CPB2: variants seen among roughly 807,000 people sequenced by gnomAD.
CPB2 encodes the protein carboxypeptidase B-like protein.
In CPB2, 54 loss-of-function variants were observed where a neutral mutation model predicts 57.0. The observed-to-expected ratio is 0.95, with a 90% confidence interval of 0.76 to 1.19. The LOEUF is 1.19. Among genes scored for constraint, CPB2 ranks in the 50% most tolerant of loss-of-function variants. The pLI, the probability that CPB2 is intolerant of heterozygous loss-of-function variation, is 0.00. For missense variants in CPB2, 426 were observed against 512.0 expected (o/e 0.83, Z 1.62); for synonymous variants, 189 against 178.1 (o/e 1.06, Z -0.49).
At chr13:46,092,616 T>G (rs2045309079) in intron 1 of CPB2, among the ~76,000 whole-genome samples, 1 of 152,136 alleles carries the variant, frequency 6.6e-6, no homozygotes, top group Non-Finnish European at 1.5e-5. Flanking sequence ...GATGTCTGGG[T>G]GTGTAAGAAT....
chr13:46,087,216 G>A lies in CPB2; in HGVS notation c.150+529C>T, dbSNP rs17844188. On this transcript the variant is annotated intron_variant, in intron 2 of 10. Transcript: ENST00000181383. Reference sequence around the variant, plus strand: ...CTGCCGCCCTGCCATCACAGAAGGGGGCGGGACTTTTACCTCCTCCTGGCT... The same window carrying A: ...CTGCCGCCCTGCCATCACAGAAGGGAGCGGGACTTTTACCTCCTCCTGGCT... Among the ~76,000 whole-genome samples the A allele has an allele frequency of 2.0e-3, 310 of 152,350 alleles. 2 individuals are homozygous for A. Among genetic ancestry groups the A allele is most frequent in the African/African-American group, 6.6e-3 (274 of 41,594 alleles).
intron 1 of CPB2, among the ~76,000 whole-genome samples, chr13:46,090,663 A>G (rs545859743): frequency 1.4e-5 from 2 of 146,158 alleles, no homozygotes; most frequent in South Asian, 2.2e-4. Context: ...CACACAGCCC[A>G]TTTATCTATT....
intron 1 of CPB2, among the ~76,000 whole-genome samples, chr13:46,093,518 C>T (rs1204165562): frequency 6.6e-6 from 1 of 152,100 alleles, no homozygotes; most frequent in East Asian, 1.9e-4. Flanking sequence ...TTCTAGAATG[C>T]TTTTCAGTCA....
chr13:46,091,245 CTAT>C (rs1338787051), intron 1 of CPB2, among the ~76,000 whole-genome samples: 3 of 152,184 alleles, frequency 2.0e-5, no homozygotes, highest in African/African-American at 7.2e-5. Flanking sequence ...TCTGCACACA[CTAT>C]TAGGTTGGTG....
intron 4 of CPB2, among the ~76,000 whole-genome samples, chr13:46,079,535 C>CA (rs58164990): frequency 1.8e-3 from 199 of 110,976 alleles, no homozygotes; most frequent in Middle Eastern, 0.011. Flanking sequence ...AAGGAAAAAG[C>CA]AAAAAAAAAA....
intron 4 of CPB2, 53 bp from the exon 5 acceptor site, chr13:46,078,954 C>G (rs998615101): frequency 8.7e-7 from 1 of 1,154,132 alleles, no homozygotes; most frequent in African/African-American, 1.5e-5. Flanking sequence ...AAAGCATTTC[C>G]CTGACCAAAG....
intron 7 of CPB2, 47 bp downstream of exon 7, chr13:46,067,260 A>G (rs1566401766): frequency 2.1e-6 from 2 of 962,328 alleles, no homozygotes; most frequent in Admixed American, 1.8e-5. Context: ...TGTATATCCT[A>G]TATCCCCAAG....
At chr13:46,095,851 C>G (rs1409477986) in intron 1 of CPB2, among the ~76,000 whole-genome samples, 1 of 143,020 alleles carries the variant, frequency 7.0e-6, no homozygotes, top group Non-Finnish European at 1.5e-5. Context: ...GGAAACTCTT[C>G]TGATGTGTGA....
intron 2 of CPB2, among the ~76,000 whole-genome samples, chr13:46,086,308 C>T (rs1180209643): frequency 2.0e-5 from 3 of 152,094 alleles, no homozygotes; most frequent in Admixed American, 6.6e-5. Flanking sequence ...GTTCAGCGCC[C>T]GGGAACAATG....
rs199769349 is a variant in CPB2, at chr13:46,104,914, G to A, written c.74+22C>T. ...CAAGTGAGGAGAGTGGCCCACCACAGTCTAAGATTCTATTGGGTTACCTCT... is the reference window on the plus strand; with the variant it reads ...CAAGTGAGGAGAGTGGCCCACCACAATCTAAGATTCTATTGGGTTACCTCT... On this transcript the variant is annotated intron_variant, in intron 1 of 10. Coordinates refer to ENST00000181383, the MANE Select transcript of CPB2 (RefSeq NM_001872.5). 8 of 1,613,762 alleles carry A rather than the reference G, an allele frequency of 5.0e-6. No individual in the cohort carries two copies. The African/African-American group carries it at 8.0e-5, about 16-fold the overall frequency.
intron 6 of CPB2, 26 bp downstream of exon 6, chr13:46,073,847 A>C (rs200143321): frequency 9.9e-6 from 14 of 1,420,240 alleles, no homozygotes; most frequent in South Asian, 6.1e-5. Context: ...TTTGAGAAAT[A>C]GGGTTAAGAG....
chr13:46,067,204 A>G (rs530356217), intron 7 of CPB2, 103 bp downstream of exon 7: 2 of 556,680 alleles, frequency 3.6e-6, no homozygotes, highest in Admixed American at 3.3e-5. Flanking sequence ...AAAATTAATA[A>G]TAAAGCCATT....
intron 7 of CPB2, among the ~76,000 whole-genome samples, chr13:46,066,724 A>C (rs1444883051): frequency 6.6e-6 from 1 of 151,898 alleles, no homozygotes; most frequent in Admixed American, 6.6e-5. Context: ...AGGCACCCGT[A>C]GTCCCAGTGG....
intron 3 of CPB2, among the ~76,000 whole-genome samples, chr13:46,082,920 A>C (rs2045141811): frequency 6.6e-6 from 1 of 151,942 alleles, no homozygotes; most frequent in Non-Finnish European, 1.5e-5. Context: ...TGCTGTTTTC[A>C]GTTAAAGAGG....
At chr13:46,099,811 G>A (rs2045411587) in intron 1 of CPB2, 1 of 152,166 alleles carries the variant, frequency 6.6e-6, no homozygotes, top group African/African-American at 2.4e-5. Context: ...GATCACCTGA[G>A]GTCAGGAGTT....
chr13:46,096,032 C>A (rs1370770090), intron 1 of CPB2, among the ~76,000 whole-genome samples: 1 of 151,814 alleles, frequency 6.6e-6, no homozygotes, highest in Non-Finnish European at 1.5e-5. Flanking sequence ...AGGCACGCAC[C>A]ACCACACCTG....
Position 46,074,639 on chromosome 13 carries a change from A to G in CPB2, c.487-662T>C, listed in dbSNP as rs548559946. On this transcript the variant is annotated intron_variant, in intron 5 of 10. Transcript: ENST00000181383. Reference sequence around the variant, plus strand: ...ATTATCAAGAACACCTCCAAAATTAATCATAATGTATTTGCCTTTAAAAGT... The same window carrying G: ...ATTATCAAGAACACCTCCAAAATTAGTCATAATGTATTTGCCTTTAAAAGT... Among the ~76,000 whole-genome samples, 7 of 152,258 alleles carry G rather than the reference A, an allele frequency of 4.6e-5. No homozygotes were observed. In the East Asian group the frequency reaches 1.4e-3, roughly 29 times the overall value.
At chr13:46,059,014 T>C (rs1289864903) in intron 8 of CPB2, among the ~76,000 whole-genome samples, 1 of 152,218 alleles carries the variant, frequency 6.6e-6, no homozygotes, top group Non-Finnish European at 1.5e-5. Context: ...AAGCTGCATC[T>C]GACACAAGAG....
chr13:46,072,496 G>A (rs2139373524), intron 6 of CPB2, among the ~76,000 whole-genome samples: 1 of 152,234 alleles, frequency 6.6e-6, no homozygotes, highest in East Asian at 1.9e-4. Flanking sequence ...CATTGTTGGA[G>A]CAAAATACTC....
Sources: gnomAD v4.1 joint callset for allele counts (sites outside exome capture counted in the v4.1 genomes callset) on GRCh38, gnomAD v4.1.1 for gene constraint, MANE v1.5 for transcripts, NCBI Gene and HGNC (gene_info 2026-07-23, HGNC 2026-07-21) for gene names.